CHIC1: variants seen among roughly 807,000 people sequenced by gnomAD.
The protein encoded by CHIC1 is cysteine-rich hydrophobic domain-containing protein 1.
In CHIC1, 7 loss-of-function variants were observed where a neutral mutation model predicts 18.5. The ratio of observed to expected loss-of-function variants is 0.38; its 90% CI spans 0.22 to 0.71. CHIC1 has a LOEUF of 0.71. CHIC1 is among the 30% of genes least tolerant of loss of function. CHIC1 has a pLI of 0.49. For missense variants in CHIC1, 159 were observed against 176.9 expected, an observed-to-expected ratio of 0.90 and a Z score of 0.57; for synonymous variants, 77 against 73.5, an observed-to-expected ratio of 1.05 and a Z score of -0.25.
At chrX:73,608,651 C>T (rs962613649) in intron 3 of CHIC1, among the ~76,000 whole-genome samples, 10 of 107,669 alleles carry the variant, frequency 9.3e-5, no homozygotes, top group Non-Finnish European at 1.9e-4. Flanking sequence ...CATTTTGATG[C>T]TATTGTAAAT....
chrX:73,593,685 T>C (rs2057592777), intron 3 of CHIC1, among the ~76,000 whole-genome samples: 1 of 111,979 alleles, frequency 8.9e-6, no homozygotes, highest in Admixed American at 9.5e-5. Context: ...AAACTCTTTC[T>C]TGAGTTTGAT....
At chrX:73,672,360 G>C (rs1388852842) in intron 3 of CHIC1, among the ~76,000 whole-genome samples, 1 of 111,423 alleles carries the variant, frequency 9.0e-6, no homozygotes. Context: ...TTCCACAATG[G>C]TTGAACTAGT....
chrX:73,583,460 A>G (rs2057537449), intron 2 of CHIC1, among the ~76,000 whole-genome samples: 1 of 110,937 alleles, frequency 9.0e-6, no homozygotes, highest in Non-Finnish European at 1.9e-5. Context: ...TTTTTATTTT[A>G]TAATACCTTA....
rs958087732 is a variant in CHIC1, at chrX:73,686,750, G to A, written c.*5745G>A. ...AGAACAGGATATCCAGGTAACTAGA[G>A]AGTGGGCATTGATAAAAATATCTGG... On this transcript the variant is annotated 3_prime_UTR_variant, in exon 6 of 6. Transcript: ENST00000373502. 4.5e-5 allele frequency: 5 copies of A among 111,494 alleles called. No individual in the cohort carries two copies. The highest frequency in any genetic ancestry group is 1.6e-4 in the African/African-American group (5 of 30,724). 9.2% of individuals were successfully genotyped at this position (111,494 alleles called of 1,213,427 possible).
intron 3 of CHIC1, among the ~76,000 whole-genome samples, chrX:73,642,264 G>A (rs1423822704): frequency 4.5e-5 from 5 of 111,037 alleles, no homozygotes; most frequent in African/African-American, 1.6e-4. Context: ...TTTCTCTGAT[G>A]GCCAGTGATG....
chrX:73,580,945 C>T (rs1485122219), intron 2 of CHIC1, among the ~76,000 whole-genome samples: 1 of 110,997 alleles, frequency 9.0e-6, no homozygotes, highest in Non-Finnish European at 1.9e-5. Context: ...AAAAGATGAC[C>T]TTTTATATTA....
At chrX:73,618,467 G>A (rs1396483630) in intron 3 of CHIC1, among the ~76,000 whole-genome samples, 1 of 111,167 alleles carries the variant, frequency 9.0e-6, no homozygotes, top group African/African-American at 3.3e-5. Flanking sequence ...GTAGGGGCTG[G>A]GGGTGTGGTT....
At chrX:73,633,606 T>C (rs1327852352) in intron 3 of CHIC1, among the ~76,000 whole-genome samples, 6 of 111,935 alleles carry the variant, frequency 5.4e-5, no homozygotes, top group African/African-American at 1.9e-4. Context: ...TCCATCATTA[T>C]TTATTTAAAT....
At chrX:73,634,247 G>C (rs1027454907) in intron 3 of CHIC1, among the ~76,000 whole-genome samples, 1 of 112,011 alleles carries the variant, frequency 8.9e-6, no homozygotes, top group African/African-American at 3.2e-5. Context: ...ACTTTTCTGT[G>C]AATGTGCCCA....
intron 3 of CHIC1, among the ~76,000 whole-genome samples, chrX:73,600,270 C>T (rs2147565075): frequency 1.0e-5 from 1 of 96,618 alleles, no homozygotes; most frequent in East Asian, 3.1e-4. Context: ...ACAATCATGT[C>T]ATCTGCAAAC....
intron 3 of CHIC1, among the ~76,000 whole-genome samples, chrX:73,673,552 CTAT>C (rs942687324): frequency 1.8e-5 from 2 of 111,549 alleles, no homozygotes; most frequent in African/African-American, 6.5e-5. Context: ...CTCTGTTTGT[CTAT>C]TATTGTTGTA....
rs1419641817 is a variant in CHIC1, at chrX:73,684,208, ATAATTCTAATGC to A, written c.*3206_*3217del. On this transcript the variant is annotated 3_prime_UTR_variant, in exon 6 of 6. Coordinates refer to ENST00000373502, the MANE Select transcript of CHIC1 (RefSeq NM_001039840.4). ...ACTATCAGTCACTTAAAAAAACAGT[ATAATTCTAATGC>A]TAGTAAACATGTAATTTAATTTAGT... 6.8e-4 allele frequency: 76 copies of A among 111,186 alleles called. No homozygotes were observed. The highest frequency in any genetic ancestry group is 2.2e-3 in the African/African-American group (68 of 30,753). The allele number at this position is 111,186 out of a possible 1,213,427, so 9.2% of individuals were successfully genotyped here.
intron 3 of CHIC1, among the ~76,000 whole-genome samples, chrX:73,644,641 G>C (rs923653565): frequency 6.2e-5 from 7 of 112,376 alleles, no homozygotes; most frequent in Admixed American, 4.7e-4. Flanking sequence ...AGACTGCTGG[G>C]CTAGCAATGA....
chrX:73,630,863 G>C (rs2057803635), intron 3 of CHIC1, among the ~76,000 whole-genome samples: 1 of 111,896 alleles, frequency 8.9e-6, no homozygotes, highest in South Asian at 3.7e-4. Flanking sequence ...GAAGCCATCT[G>C]ATCCTGTGCT....
At chrX:73,655,156 T>A (rs768561234) in intron 3 of CHIC1, among the ~76,000 whole-genome samples, 11 of 109,555 alleles carry the variant, frequency 1.0e-4, no homozygotes, top group Middle Eastern at 4.3e-3. Context: ...ATGCGGGTAT[T>A]TGGTTTTCTC....
chrX:73,660,975 G>A (rs148931685), intron 3 of CHIC1, among the ~76,000 whole-genome samples: 2,066 of 111,895 alleles, frequency 0.018, 24 homozygotes, highest in Non-Finnish European at 0.031. Flanking sequence ...TGCTAGTGGT[G>A]TTGCAGGGTC....
chrX:73,679,494 A>G, intron 4 of CHIC1, 112 bp downstream of exon 4: 1 of 576,824 alleles, frequency 1.7e-6, no homozygotes. Flanking sequence ...TAGAGAATTA[A>G]TACTCAATTT....
intron 3 of CHIC1, among the ~76,000 whole-genome samples, chrX:73,602,572 A>G (rs770437781): frequency 2.8e-5 from 3 of 108,840 alleles, no homozygotes; most frequent in Non-Finnish European, 3.8e-5. Flanking sequence ...TTGGTGTTTC[A>G]GTCATGAAGT....
intron 3 of CHIC1, among the ~76,000 whole-genome samples, chrX:73,591,459 T>C (rs1402378378): frequency 9.0e-6 from 1 of 111,523 alleles, no homozygotes; most frequent in Non-Finnish European, 1.9e-5. Context: ...TTGTATACTT[T>C]GGATACCAGT....
Sources: gnomAD v4.1 joint callset for allele counts (sites outside exome capture counted in the v4.1 genomes callset) on GRCh38, gnomAD v4.1.1 for gene constraint, MANE v1.5 for transcripts, NCBI Gene and HGNC (gene_info 2026-07-23, HGNC 2026-07-21) for gene names.